Variants in PDE1A observed in about 807,000 individuals in gnomAD.
PDE1A encodes phosphodiesterase 1A, also known as dual specificity calcium/calmodulin-dependent 3',5'-cyclic nucleotide phosphodiesterase 1A.
PDE1A carries 35 observed loss-of-function variants against 61.7 expected under a neutral mutation model. The ratio of observed to expected loss-of-function variants is 0.57; its 90% confidence interval spans 0.43 to 0.75. PDE1A has a LOEUF of 0.75. PDE1A is among the 30% of genes least tolerant of loss of function. The probability of loss-of-function intolerance (pLI) is 0.00; values close to 1 mark genes in which losing one functional copy is unlikely to be tolerated. For missense variants in PDE1A, 597 were observed against 630.6 expected (o/e 0.95, Z 0.57); for synonymous variants, 232 against 213.2 (o/e 1.09, Z -0.77).
intron 1 of PDE1A, among the ~76,000 whole-genome samples, chr2:182,301,415 C>G (rs1695233996): frequency 6.6e-6 from 1 of 152,086 alleles, no homozygotes; most frequent in Admixed American, 6.6e-5. Context: ...TATAAGTGCC[C>G]TTTTATTATC....
Position 182,401,569 on chromosome 2 carries a change from A to T in PDE1A, c.53+25009T>A, listed in dbSNP as rs140920336. ...GAAAAACACACAGCCAATATCATAC[A>T]GAATGGGCAAAAGCTGGAAGCATTC... On this transcript the variant is annotated intron_variant, in intron 1 of 13. Coordinates refer to ENST00000351439, the Ensembl canonical transcript of PDE1A. Among the ~76,000 whole-genome samples the T allele has an allele frequency of 9.9e-3, 1,508 of 152,318 alleles. 27 individuals carry two copies. The highest frequency in any genetic ancestry group is 0.034 in the African/African-American group (1,424 of 41,582).
At chr2:182,682,860 A>G in the PDE1A span, among the ~76,000 whole-genome samples, 1 of 152,148 alleles carries the variant, frequency 6.6e-6, no homozygotes, top group Non-Finnish European at 1.5e-5. Flanking sequence ...ACCTTATCAG[A>G]TAAGATTGCA....
chr2:182,530,188 G>T, the PDE1A span, among the ~76,000 whole-genome samples: 1 of 152,012 alleles, frequency 6.6e-6, no homozygotes, highest in African/African-American at 2.4e-5. Context: ...AAAATATATT[G>T]TTTTCAAGCC....
chr2:182,370,669 A>G (rs2125241761), intron 1 of PDE1A, among the ~76,000 whole-genome samples: 1 of 152,322 alleles, frequency 6.6e-6, no homozygotes, highest in East Asian at 1.9e-4. Context: ...AGGAAGAGAA[A>G]GAAAGCCAAG....
At chr2:182,259,974 C>G (rs1462233418) in intron 2 of PDE1A, among the ~76,000 whole-genome samples, 1 of 152,190 alleles carries the variant, frequency 6.6e-6, no homozygotes, top group Non-Finnish European at 1.5e-5. Context: ...AAAGGATTGG[C>G]ATTTGCATTT....
At chr2:182,156,978 TA>T (rs1691118323) in intron 13 of PDE1A, among the ~76,000 whole-genome samples, 1 of 150,486 alleles carries the variant, frequency 6.6e-6, no homozygotes, top group Admixed American at 6.6e-5. Context: ...TTGAATTTTT[TA>T]TTTTTTTATT....
the PDE1A span, among the ~76,000 whole-genome samples, chr2:182,581,406 G>A: frequency 1.7e-3 from 259 of 152,228 alleles, no homozygotes; most frequent in Non-Finnish European, 3.1e-3. Flanking sequence ...AAAAGGCTCT[G>A]TGCATTCAAA....
intron 1 of PDE1A, among the ~76,000 whole-genome samples, chr2:182,420,785 T>C (rs1329490125): frequency 6.6e-6 from 1 of 152,144 alleles, no homozygotes; most frequent in Non-Finnish European, 1.5e-5. Flanking sequence ...ACAAAGATAA[T>C]AAATCTGGAA....
chr2:182,667,630 C>G, the PDE1A span, among the ~76,000 whole-genome samples: 1 of 152,280 alleles, frequency 6.6e-6, no homozygotes. Flanking sequence ...CTTTTAGATT[C>G]CTTTCTGCAC....
chr2:182,550,037 AG>A, the PDE1A span, among the ~76,000 whole-genome samples: 3 of 152,188 alleles, frequency 2.0e-5, no homozygotes, highest in African/African-American at 7.2e-5. Context: ...GAAGAAAAAG[AG>A]GAACATTTTC....
chr2:182,192,349 A>C (rs1483989058), intron 10 of PDE1A, among the ~76,000 whole-genome samples: 4 of 152,102 alleles, frequency 2.6e-5, no homozygotes, highest in Admixed American at 2.0e-4. Flanking sequence ...TGAATGCTAA[A>C]GTACATTAAT....
chr2:182,436,359 T>G (rs1684410705), intron 2 of PDE1A, among the ~76,000 whole-genome samples: 1 of 152,038 alleles, frequency 6.6e-6, no homozygotes, highest in Non-Finnish European at 1.5e-5. Context: ...TACCATAATT[T>G]TTTTGTACTT....
At chr2:182,677,728 C>A in the PDE1A span, among the ~76,000 whole-genome samples, 3 of 152,140 alleles carry the variant, frequency 2.0e-5, no homozygotes, top group Non-Finnish European at 4.4e-5. Flanking sequence ...ACACCTACAA[C>A]CATCTGATCT....
At chr2:182,632,024 C>T in the PDE1A span, among the ~76,000 whole-genome samples, 1 of 151,976 alleles carries the variant, frequency 6.6e-6, no homozygotes, top group Non-Finnish European at 1.5e-5. Flanking sequence ...TTTTTCATAC[C>T]GATTTTAAAC....
At chr2:182,183,251 C>A (rs1436823848) in intron 13 of PDE1A, among the ~76,000 whole-genome samples, 1 of 152,062 alleles carries the variant, frequency 6.6e-6, no homozygotes, top group African/African-American at 2.4e-5. Context: ...AAGTGTAAAA[C>A]TGGACAGCAT....
chr2:182,460,745 C>G (rs1574713032), intron 2 of PDE1A, among the ~76,000 whole-genome samples: 2 of 152,146 alleles, frequency 1.3e-5, no homozygotes, highest in East Asian at 3.9e-4. Context: ...ATAAGCCATT[C>G]TGCTGAATAA....
In PDE1A at chr2:182,426,734, GA is replaced by G; in HGVS notation, c.-105del. The G allele has an allele frequency of 6.4e-7, 1 of 1,566,654 alleles. No homozygotes were observed. The highest frequency in any genetic ancestry group is 1.2e-5 in the South Asian group (1 of 83,014). ...TATTGTGCTGCAAGGAGCCCAGAAA[GA>G]AAAAGTAGTTTCCTCTTTCTCTTTT... On this transcript the variant is annotated 5_prime_UTR_variant, in exon 1 of 14. An upstream open reading frame in the 5' UTR loses its in-frame stop. Transcript: ENST00000351439.
chr2:182,183,848 A>T (rs76991722), intron 13 of PDE1A, among the ~76,000 whole-genome samples: 4,818 of 152,154 alleles, frequency 0.032, 244 homozygotes, highest in African/African-American at 0.11. Context: ...ATAAAATTGA[A>T]AAAAGTAGCT....
At chr2:182,223,947 C>T (rs765707769) in exon 7 of PDE1A, 1 of 1,603,680 alleles carries the variant, frequency 6.2e-7, no homozygotes, top group Admixed American at 1.7e-5. Context: ...CTAAAATTTC[C>T]AGTTCAGTGA....
Sources: allele counts gnomAD v4.1 joint callset (sites outside exome capture counted in the v4.1 genomes callset), GRCh38; gene constraint gnomAD v4.1.1; transcripts MANE v1.5; gene names NCBI Gene and HGNC (gene_info 2026-07-23, HGNC 2026-07-21).